Variants in GLIS3 observed in about 807,000 individuals in gnomAD.
GLIS3 encodes the protein zinc finger protein GLIS3.
A neutral mutation model predicts 78.6 loss-of-function variants in GLIS3; 53 were observed. The observed-to-expected ratio is 0.67, with a 90% confidence interval of 0.54 to 0.85. The LOEUF is 0.85. Among genes scored for constraint, GLIS3 ranks in the 40% least tolerant of loss-of-function variants. GLIS3 has a pLI of 0.00. For missense variants in GLIS3, 1,703 were observed against 1,231.1 expected, an observed-to-expected ratio of 1.38 and a Z score of -5.74; for synonymous variants, 684 against 509.9, an observed-to-expected ratio of 1.34 and a Z score of -4.60.
chr9:4,279,011 T>G (rs142379707), intron 2 of GLIS3, among the ~76,000 whole-genome samples: 1 of 152,048 alleles, frequency 6.6e-6, no homozygotes, highest in Non-Finnish European at 1.5e-5. Context: ...TCTTTAAAAA[T>G]ATCAGCGTGG....
At chr9:4,121,110 T>C (rs1226150871) in intron 3 of GLIS3, among the ~76,000 whole-genome samples, 1 of 152,228 alleles carries the variant, frequency 6.6e-6, no homozygotes, top group Non-Finnish European at 1.5e-5. Flanking sequence ...GAGAACTCTC[T>C]TCTATCTCAA....
chr9:4,312,118 G>A (rs1471601623), intron 2 of GLIS3, among the ~76,000 whole-genome samples: 1 of 152,164 alleles, frequency 6.6e-6, no homozygotes, highest in Non-Finnish European at 1.5e-5. Context: ...ACCTACACAT[G>A]TACCTCTGAA....
rs371419583 is a variant in GLIS3 at position 4,165,722 on chromosome 9, T to C, written c.389-39781A>G. 8.7e-4 allele frequency among the ~76,000 whole-genome samples: 133 copies of C among 152,272 alleles called. 1 individual carries two copies. The highest frequency in any genetic ancestry group is 3.1e-3 in the African/African-American group (128 of 41,546). On this transcript the variant is annotated intron_variant, in intron 2 of 10. Transcript: ENST00000381971. ...TGATGTGCCTATGCAGATATCCAGA[T>C]AGAACTACAAATATACAGTTGGAAA...
At chr9:4,051,856 A>G (rs1318842261) in intron 4 of GLIS3, among the ~76,000 whole-genome samples, 1 of 152,142 alleles carries the variant, frequency 6.6e-6, no homozygotes, top group Admixed American at 6.5e-5. Flanking sequence ...GCTTTTTGCC[A>G]TTTGTATTTA....
intron 2 of GLIS3, among the ~76,000 whole-genome samples, chr9:4,255,688 G>A (rs12004582): frequency 7.4e-4 from 113 of 152,270 alleles, no homozygotes; most frequent in African/African-American, 2.6e-3. Context: ...AAAAAGATCA[G>A]TGGTTGCCAA....
the GLIS3 span, among the ~76,000 whole-genome samples, chr9:4,375,733 A>G: frequency 6.6e-6 from 1 of 152,234 alleles, no homozygotes; most frequent in Non-Finnish European, 1.5e-5. Flanking sequence ...TGTTAAGAGT[A>G]TTTCCTGTTG....
At chr9:4,329,329 C>G (rs1381690168) in intron 2 of GLIS3, among the ~76,000 whole-genome samples, 1 of 152,154 alleles carries the variant, frequency 6.6e-6, no homozygotes, top group Admixed American at 6.5e-5. Context: ...TCTCTGTTAG[C>G]TTGTTTCCGA....
intron 4 of GLIS3, among the ~76,000 whole-genome samples, chr9:3,944,444 T>A (rs929517116): frequency 2.6e-5 from 4 of 152,214 alleles, no homozygotes; most frequent in African/African-American, 9.6e-5. Flanking sequence ...ATACAAGGTA[T>A]CATATATTAT....
At chr9:4,393,027 G>T in the GLIS3 span, among the ~76,000 whole-genome samples, 1 of 151,246 alleles carries the variant, frequency 6.6e-6, no homozygotes, top group African/African-American at 2.4e-5. Context: ...TGGAAGATTT[G>T]ATAGAAAAAA....
intron 2 of GLIS3, among the ~76,000 whole-genome samples, chr9:4,284,167 C>T (rs183256887): frequency 5.9e-5 from 9 of 152,340 alleles, no homozygotes; most frequent in African/African-American, 1.2e-4. Context: ...CTTTCTAGAC[C>T]TTAGTTCCCT....
intron 2 of GLIS3, among the ~76,000 whole-genome samples, chr9:4,266,903 A>G (rs558078384): frequency 2.6e-5 from 4 of 152,314 alleles, no homozygotes; most frequent in African/African-American, 9.6e-5. Context: ...TTTGAAATCC[A>G]TTTTGACTCT....
At chr9:3,872,682 C>T (rs544811282) in intron 8 of GLIS3, among the ~76,000 whole-genome samples, 3 of 152,162 alleles carry the variant, frequency 2.0e-5, no homozygotes, top group Non-Finnish European at 2.9e-5. Flanking sequence ...TCCCACAACA[C>T]GTAGGAATTA....
intron 6 of GLIS3, among the ~76,000 whole-genome samples, chr9:3,917,693 C>A (rs779804941): frequency 6.6e-6 from 1 of 151,938 alleles, no homozygotes; most frequent in Admixed American, 6.6e-5. Context: ...CAGGGCCCCA[C>A]TGAAACGACC....
rs1285451248 is a variant in GLIS3 at position 4,117,405 on chromosome 9, TG to T, written c.1710+362del. Among the ~76,000 whole-genome samples, 4 of 152,200 alleles carry T rather than the reference TG, an allele frequency of 2.6e-5. No individual in the cohort carries two copies. In the East Asian group the frequency reaches 7.7e-4, roughly 29 times the overall value. On this transcript the variant is annotated intron_variant, in intron 4 of 10. Coordinates refer to ENST00000381971, the MANE Select transcript of GLIS3 (RefSeq NM_001042413.2). ...AGAAAAAGTCACTGCATATTTGCTT[TG>T]GAAAAGAACTAAAGCTTGCTGATGT...
intron 7 of GLIS3, among the ~76,000 whole-genome samples, chr9:3,888,088 G>A (rs1187749347): frequency 6.6e-6 from 1 of 152,152 alleles, no homozygotes; most frequent in Non-Finnish European, 1.5e-5. Flanking sequence ...CTCCTGGTCT[G>A]TGTGTTATGT....
intron 4 of GLIS3, among the ~76,000 whole-genome samples, chr9:4,096,902 C>T (rs566373546): frequency 2.0e-5 from 3 of 152,254 alleles, no homozygotes; most frequent in Admixed American, 2.0e-4. Context: ...ATCCCAGCTA[C>T]TCGGGAGGCT....
At chr9:4,122,334 C>T (rs1178916815) in intron 3 of GLIS3, among the ~76,000 whole-genome samples, 2 of 152,192 alleles carry the variant, frequency 1.3e-5, no homozygotes, top group African/African-American at 4.8e-5. Flanking sequence ...AAATTCGTGT[C>T]TATGTGCCTC....
intron 9 of GLIS3, among the ~76,000 whole-genome samples, chr9:3,839,900 C>T (rs752616544): frequency 2.0e-5 from 3 of 152,164 alleles, no homozygotes; most frequent in Non-Finnish European, 4.4e-5. Context: ...AAAAATTCTA[C>T]AAACCCTGAA....
chr9:4,174,407 G>C (rs1321207191), intron 2 of GLIS3, among the ~76,000 whole-genome samples: 2 of 152,154 alleles, frequency 1.3e-5, no homozygotes, highest in African/African-American at 4.8e-5. Flanking sequence ...AGTGACGAAT[G>C]TGGTATACAA....
Sources: allele counts gnomAD v4.1 joint callset (sites outside exome capture counted in the v4.1 genomes callset), GRCh38; gene constraint gnomAD v4.1.1; transcripts MANE v1.5; gene names NCBI Gene and HGNC (gene_info 2026-07-23, HGNC 2026-07-21).